Variants in MSRA observed in about 807,000 individuals in gnomAD.
MSRA encodes the protein methionine sulfoxide reductase A.
A neutral mutation model predicts 31.3 loss-of-function variants in MSRA; 54 were observed. The observed-to-expected ratio is 1.73, with a 90% CI of 1.39 to 2.17. The LOEUF (loss-of-function observed/expected upper bound fraction) is 2.17. MSRA is among the 30% of genes most tolerant of loss of function. MSRA has a pLI of 0.00. For synonymous variants in MSRA, 169 were observed against 116.5 expected (o/e 1.45, Z -2.90); for missense variants, 507 against 300.9 (o/e 1.69, Z -5.07).
At chr8:10,266,911 A>G (rs974298532) in intron 3 of MSRA, among the ~76,000 whole-genome samples, 2 of 152,190 alleles carry the variant, frequency 1.3e-5, no homozygotes, top group Admixed American at 1.3e-4. Context: ...ATCACTCAAT[A>G]AACCCCTAAA....
At chr8:10,422,860 C>T (rs1014132031) in intron 5 of MSRA, among the ~76,000 whole-genome samples, 2 of 152,216 alleles carry the variant, frequency 1.3e-5, no homozygotes, top group African/African-American at 2.4e-5. Flanking sequence ...TAGGCAGTTA[C>T]TTCAACCAGG....
intron 5 of MSRA, among the ~76,000 whole-genome samples, chr8:10,425,206 C>T (rs1191556767): frequency 2.0e-5 from 3 of 152,198 alleles, no homozygotes; most frequent in Non-Finnish European, 4.4e-5. Context: ...CCACGCTCAT[C>T]GCAGGCCGGT....
At chr8:10,113,289 C>CTTTTTTTTTTTTTTT (rs1467440154) in intron 1 of MSRA, among the ~76,000 whole-genome samples, 958 of 50,846 alleles carry the variant, frequency 0.019, 119 homozygotes, top group Middle Eastern at 0.028. Context: ...GAAGACAGGT[C>CTTTTTTTTTTTTTTT]TTCTTTTTTT....
At chr8:10,115,823 C>T (rs1800636040) in intron 1 of MSRA, among the ~76,000 whole-genome samples, 1 of 152,142 alleles carries the variant, frequency 6.6e-6, no homozygotes, top group Admixed American at 6.5e-5. Flanking sequence ...GGACACAGTC[C>T]ACACTCAATG....
At chr8:10,375,784 A>T (rs1805724826) in intron 5 of MSRA, among the ~76,000 whole-genome samples, 1 of 152,206 alleles carries the variant, frequency 6.6e-6, no homozygotes, top group Admixed American at 6.5e-5. Context: ...ACTTTACACA[A>T]ATGCCTGGTC....
chr8:10,268,179 G>A (rs1340046721), intron 3 of MSRA, among the ~76,000 whole-genome samples: 2 of 152,176 alleles, frequency 1.3e-5, no homozygotes, highest in Admixed American at 6.5e-5. Flanking sequence ...TTCATAACCT[G>A]GTGGAGGAGA....
chr8:10,300,711 G>C (rs1174628347), intron 3 of MSRA, among the ~76,000 whole-genome samples: 1 of 152,110 alleles, frequency 6.6e-6, no homozygotes, highest in South Asian at 2.1e-4. Context: ...CACATAAGGT[G>C]ACTGAAAACA....
chr8:10,411,751 C>T (rs781497938), intron 5 of MSRA, among the ~76,000 whole-genome samples: 1 of 152,220 alleles, frequency 6.6e-6, no homozygotes, highest in Non-Finnish European at 1.5e-5. Context: ...ATTTTTTAAA[C>T]ATGGCGTAAG....
chr8:10,161,176 C>T (rs905617572), intron 1 of MSRA, among the ~76,000 whole-genome samples: 3 of 152,166 alleles, frequency 2.0e-5, no homozygotes, highest in Non-Finnish European at 2.9e-5. Flanking sequence ...TCTCCTTTGC[C>T]GCCTGGTTCA....
chr8:10,189,506 A>C lies in MSRA; in HGVS notation c.143-18327A>C, dbSNP rs534602531. Among the ~76,000 whole-genome samples the C allele has an allele frequency of 2.6e-5, 4 of 152,126 alleles. No homozygotes were observed. The South Asian group carries it at 8.3e-4, about 32-fold the overall frequency. ...TTTAGTAGATTTTTTTTATTAGCTT[A>C]TCTCCCTTGTTGACTAAAAAAAGTT... is the stretch of plus-strand genomic sequence containing the variant. On this transcript the variant is annotated intron_variant, in intron 1 of 5. Coordinates refer to ENST00000317173, the MANE Select transcript of MSRA (RefSeq NM_012331.5).
At position 10,163,953 on chromosome 8, in the gene MSRA, T is replaced by C. The variant is rs1258104379; in HGVS notation, c.143-43880T>C. Among the ~76,000 whole-genome samples, 6 of 152,366 alleles carry C rather than the reference T, an allele frequency of 3.9e-5. No homozygotes were observed. In the South Asian group the frequency reaches 8.3e-4, roughly 21 times the overall value. ...AACCAGCCTTTCTGTCTCCATATTCTGAGTCCACAAGGGACAGTAATAATG... is the reference window on the plus strand; with the variant it reads ...AACCAGCCTTTCTGTCTCCATATTCCGAGTCCACAAGGGACAGTAATAATG... On this transcript the variant is annotated intron_variant, in intron 1 of 5. Coordinates refer to ENST00000317173, the MANE Select transcript of MSRA (RefSeq NM_012331.5).
At chr8:10,153,269 A>G (rs1803866432) in intron 1 of MSRA, among the ~76,000 whole-genome samples, 1 of 152,170 alleles carries the variant, frequency 6.6e-6, no homozygotes, top group Admixed American at 6.5e-5. Context: ...GAGCATGTGG[A>G]TGAGGCATGA....
chr8:10,347,841 C>A (rs897455786), intron 5 of MSRA, among the ~76,000 whole-genome samples: 2 of 152,178 alleles, frequency 1.3e-5, no homozygotes, highest in African/African-American at 4.8e-5. Flanking sequence ...TTTCTGCTGC[C>A]TTTACCACCT....
chr8:10,428,293 C>T lies in MSRA; in HGVS notation c.689C>T (p.Pro230Leu), dbSNP rs1170552515. The change falls in exon 6 of 6, where the codon CCA becomes CTA. Residue 230 changes from proline to leucine, a missense_variant. By Grantham distance (98) the Pro-to-Leu change is moderately conservative. Coordinates refer to ENST00000317173, the MANE Select transcript of MSRA (RefSeq NM_012331.5). ...CTTGGGGGCACCGGCGTGTCCTGCC[C>T]AGTGGGTATTAAAAAATAATTTCTC... ...CGLGGTGVSC[P>L]VGIKK is the part of the protein sequence containing the mutation. The T allele has an allele frequency of 3.7e-6, 6 of 1,612,564 alleles. No homozygotes were observed. The South Asian group carries it at 6.6e-5, about 18-fold the overall frequency.
At chr8:10,207,479 C>T (rs547633064) in intron 1 of MSRA, among the ~76,000 whole-genome samples, 45 of 152,306 alleles carry the variant, frequency 3.0e-4, no homozygotes, top group African/African-American at 1.1e-3. Flanking sequence ...CCCAGTTCAG[C>T]CTGGAAGTTG....
At chr8:10,396,749 C>G (rs1807121122) in intron 5 of MSRA, among the ~76,000 whole-genome samples, 1 of 152,186 alleles carries the variant, frequency 6.6e-6, no homozygotes, top group South Asian at 2.1e-4. Context: ...CCCAGTAAGA[C>G]CATACCTTGA....
intron 1 of MSRA, among the ~76,000 whole-genome samples, chr8:10,154,827 AT>A (rs975042866): frequency 6.6e-5 from 10 of 151,444 alleles, no homozygotes; most frequent in Admixed American, 3.3e-4. Flanking sequence ...AAAGATTTTA[AT>A]TTTTTTTTCT....
intron 5 of MSRA, among the ~76,000 whole-genome samples, chr8:10,355,745 G>A (rs911485565): frequency 1.3e-5 from 2 of 152,130 alleles, no homozygotes; most frequent in Non-Finnish European, 2.9e-5. Context: ...CTGGGTGAGG[G>A]TCTGCAGATG....
chr8:10,154,372 T>C (rs1028785571), intron 1 of MSRA, among the ~76,000 whole-genome samples: 3 of 152,018 alleles, frequency 2.0e-5, no homozygotes, highest in African/African-American at 7.3e-5. Context: ...GGTTTTTTTT[T>C]TCTTTTCTTT....
Sources: gnomAD v4.1 joint callset for allele counts (sites outside exome capture counted in the v4.1 genomes callset) on GRCh38, gnomAD v4.1.1 for gene constraint, MANE v1.5 for transcripts, NCBI Gene and HGNC (gene_info 2026-07-23, HGNC 2026-07-21) for gene names.